The following GPC5 variants were observed in gnomAD, a reference collection of about 807,000 sequenced individuals.
GPC5 encodes the protein glypican 5, also known as glypican-5.
GPC5 carries 47 observed loss-of-function variants against 53.9 expected under a neutral mutation model. The ratio of observed to expected loss-of-function variants is 0.87; its 90% CI spans 0.69 to 1.11. The LOEUF is 1.11. Ranked by LOEUF, GPC5 falls within the 50% of genes most tolerant of loss-of-function variation. The probability of loss-of-function intolerance (pLI) is 0.00; values close to 1 mark genes in which losing one functional copy is unlikely to be tolerated. For missense variants in GPC5, 748 were observed against 713.1 expected (o/e 1.05, Z -0.56); for synonymous variants, 286 against 263.3 (o/e 1.09, Z -0.84).
chr13:92,311,821 C>G (rs1376399588), intron 7 of GPC5, among the ~76,000 whole-genome samples: 1 of 152,104 alleles, frequency 6.6e-6, no homozygotes, highest in South Asian at 2.1e-4. Flanking sequence ...CACAGCCAAA[C>G]CATATCACTA....
intron 5 of GPC5, among the ~76,000 whole-genome samples, chr13:91,761,501 C>G (rs1321149791): frequency 6.6e-6 from 1 of 152,112 alleles, no homozygotes; most frequent in Non-Finnish European, 1.5e-5. Flanking sequence ...AGACCAGTTC[C>G]AAGTCCCATC....
At position 91,908,225 on chromosome 13, in the gene GPC5, G is replaced by A. The variant is rs192761298; in HGVS notation, c.1401+168G>A. ...GAAATATTTAGTTTCATGATTTTTG[G>A]ATGCAGTCAATATGCAGTGATATTT... On this transcript the variant is annotated intron_variant, in intron 6 of 7. Coordinates refer to ENST00000377067, the MANE Select transcript of GPC5 (RefSeq NM_004466.6). Among the ~76,000 whole-genome samples the A allele has an allele frequency of 3.9e-5, 6 of 152,080 alleles. 1 individual carries two copies. Among genetic ancestry groups the A allele is most frequent in the African/African-American group, 1.4e-4 (6 of 41,542 alleles).
chr13:91,913,489 G>A (rs927346701), intron 6 of GPC5, among the ~76,000 whole-genome samples: 2 of 151,778 alleles, frequency 1.3e-5, no homozygotes, highest in African/African-American at 4.8e-5. Context: ...CATCATTTAG[G>A]ACAAGCCCTA....
At chr13:91,671,625 C>G (rs2035244725) in intron 2 of GPC5, among the ~76,000 whole-genome samples, 1 of 151,772 alleles carries the variant, frequency 6.6e-6, no homozygotes, top group Non-Finnish European at 1.5e-5. Context: ...TAGGAAGAAT[C>G]AATATTGTGG....
In GPC5 at chr13:92,204,174, A is replaced by G. The variant is rs933363026; in HGVS notation, c.1561+59185A>G. 2.0e-5 allele frequency among the ~76,000 whole-genome samples: 3 copies of G among 152,200 alleles called. No individual in the cohort carries two copies. The East Asian group carries it at 5.8e-4, about 29-fold the overall frequency. On this transcript the variant is annotated intron_variant, in intron 7 of 7. Coordinates refer to ENST00000377067, the MANE Select transcript of GPC5 (RefSeq NM_004466.6). ...AAAGGGATTGTTCAGGCAGAGGAAA[A>G]TGATCCTAGTGAGAGACAAGGAAAT...
intron 5 of GPC5, among the ~76,000 whole-genome samples, chr13:91,846,243 C>T (rs975322200): frequency 6.6e-6 from 1 of 151,850 alleles, no homozygotes; most frequent in Non-Finnish European, 1.5e-5. Context: ...AATATACAGT[C>T]ATATTGATTT....
intron 7 of GPC5, among the ~76,000 whole-genome samples, chr13:92,580,215 C>T (rs903478079): frequency 2.0e-5 from 3 of 152,116 alleles, no homozygotes; most frequent in Admixed American, 6.6e-5. Flanking sequence ...TCTCAAGAAT[C>T]GAATGACCCA....
chr13:92,200,312 T>G (rs2042285303), intron 7 of GPC5, among the ~76,000 whole-genome samples: 1 of 152,232 alleles, frequency 6.6e-6, no homozygotes, highest in Non-Finnish European at 1.5e-5. Context: ...TGTGACTAAG[T>G]GACATTTGCT....
chr13:91,830,774 A>T (rs2038643309), intron 5 of GPC5, among the ~76,000 whole-genome samples: 1 of 126,184 alleles, frequency 7.9e-6, no homozygotes, highest in Non-Finnish European at 1.7e-5. Flanking sequence ...CCTATTATAT[A>T]TAAAATATAT....
chr13:91,845,793 T>C (rs2038842328), intron 5 of GPC5, among the ~76,000 whole-genome samples: 2 of 152,214 alleles, frequency 1.3e-5, no homozygotes, highest in African/African-American at 4.8e-5. Flanking sequence ...TAAGTGTTGT[T>C]ATCGTTCCTG....
chr13:91,665,748 G>A (rs1219424458), intron 2 of GPC5, among the ~76,000 whole-genome samples: 1 of 152,022 alleles, frequency 6.6e-6, no homozygotes, highest in East Asian at 1.9e-4. Flanking sequence ...CTCGTGATCT[G>A]CTGGTCTCAG....
chr13:91,737,387 C>T (rs944944252), intron 4 of GPC5, among the ~76,000 whole-genome samples: 1 of 151,208 alleles, frequency 6.6e-6, no homozygotes, highest in African/African-American at 2.5e-5. Context: ...GAGTAATTCC[C>T]AAGAGAATAC....
intron 7 of GPC5, among the ~76,000 whole-genome samples, chr13:92,488,065 A>G (rs182342264): frequency 6.6e-6 from 1 of 152,176 alleles, no homozygotes; most frequent in East Asian, 1.9e-4. Context: ...TTCTACCTCA[A>G]TAAAAATGTG....
intron 7 of GPC5, among the ~76,000 whole-genome samples, chr13:92,149,727 C>A (rs2138990899): frequency 6.6e-6 from 1 of 152,030 alleles, no homozygotes; most frequent in East Asian, 1.9e-4. Flanking sequence ...TTTATTTTCA[C>A]CATAAATCAC....
At chr13:91,816,760 G>A (rs187796654) in intron 5 of GPC5, among the ~76,000 whole-genome samples, 97 of 152,248 alleles carry the variant, frequency 6.4e-4, no homozygotes, top group African/African-American at 2.3e-3. Context: ...TTAAAGCTGT[G>A]AAGGATTTCC....
intron 3 of GPC5, among the ~76,000 whole-genome samples, chr13:91,701,535 TTAA>T (rs1348889103): frequency 6.6e-6 from 1 of 151,776 alleles, no homozygotes; most frequent in Non-Finnish European, 1.5e-5. Context: ...TTTTTAAGGC[TTAA>T]TAATATTCCA....
At chr13:92,703,428 C>A (rs1393336633) in intron 7 of GPC5, among the ~76,000 whole-genome samples, 1 of 151,354 alleles carries the variant, frequency 6.6e-6, no homozygotes, top group Admixed American at 6.6e-5. Context: ...GAGATAAACA[C>A]CTCTCTGGAA....
intron 6 of GPC5, among the ~76,000 whole-genome samples, chr13:91,994,358 T>C (rs2040484897): frequency 1.3e-5 from 2 of 152,180 alleles, no homozygotes; most frequent in Admixed American, 1.3e-4. Context: ...AATATATATG[T>C]TGTTGAAGGC....
chr13:92,481,336 C>T (rs943972510), intron 7 of GPC5, among the ~76,000 whole-genome samples: 6 of 152,002 alleles, frequency 3.9e-5, no homozygotes, highest in African/African-American at 1.2e-4. Flanking sequence ...CTCCTGATCT[C>T]GTGATCCGCC....
Sources: gnomAD v4.1 joint callset for allele counts (sites outside exome capture counted in the v4.1 genomes callset) on GRCh38, gnomAD v4.1.1 for gene constraint, MANE v1.5 for transcripts, NCBI Gene and HGNC (gene_info 2026-07-23, HGNC 2026-07-21) for gene names.